Variants in ZNF804A observed in about 807,000 individuals in gnomAD.
ZNF804A encodes zinc finger protein 804A.
In ZNF804A, 2 loss-of-function variants were observed where a neutral mutation model predicts 16.5. The ratio of observed to expected loss-of-function variants is 0.12; its 90% CI spans 0.05 to 0.38. ZNF804A has a LOEUF of 0.38. Among genes scored for constraint, ZNF804A ranks in the 10% least tolerant of loss-of-function variants. The probability of loss-of-function intolerance (pLI) is 0.99; values close to 1 mark genes in which losing one functional copy is unlikely to be tolerated. For synonymous variants in ZNF804A, 534 were observed against 489.6 expected, an observed-to-expected ratio of 1.09 and a Z score of -1.20; for missense variants, 1,473 against 1,390.7, an observed-to-expected ratio of 1.06 and a Z score of -0.94.
chr2:184,611,687 T>C (rs1053274717), intron 1 of ZNF804A, among the ~76,000 whole-genome samples: 1 of 139,218 alleles, frequency 7.2e-6, no homozygotes, highest in Non-Finnish European at 1.6e-5. Flanking sequence ...CATTTCCTCT[T>C]CTTTTCAAAA....
At chr2:184,692,508 G>A (rs1333797459) in intron 1 of ZNF804A, among the ~76,000 whole-genome samples, 2 of 152,136 alleles carry the variant, frequency 1.3e-5, no homozygotes, top group African/African-American at 2.4e-5. Context: ...CCTAGTCAGC[G>A]ATGCTGGAGG....
rs144826858 is a variant in ZNF804A at position 184,938,548 on chromosome 2, T to A, written c.3152T>A (p.Val1051Asp). Residue 1051 changes from valine to aspartate, a missense_variant, in exon 4 of 4, where the codon GTC (valine) becomes GAC (aspartate). Transcript: ENST00000302277. ...HDKFKNVPCEVYQHILQPNML... is the reference protein window; with the variant it reads ...HDKFKNVPCEDYQHILQPNML... The stretch of plus-strand genomic sequence containing the variant: ...AAATTCAAAAATGTACCATGTGAGG[T>A]CTACCAGCACATTCTGCAGCCAAAC... 3.7e-6 allele frequency: 6 copies of A among 1,613,988 alleles called. No homozygotes were observed. The highest frequency in any genetic ancestry group is 4.2e-6 in the Non-Finnish European group (5 of 1,180,000).
At chr2:184,693,923 C>G (rs1263918274) in intron 1 of ZNF804A, among the ~76,000 whole-genome samples, 2 of 146,006 alleles carry the variant, frequency 1.4e-5, no homozygotes, top group Non-Finnish European at 3.0e-5. Context: ...ATGCAACTAA[C>G]TTAGTCTTTT....
chr2:184,731,515 T>A (rs1693519441), intron 1 of ZNF804A, among the ~76,000 whole-genome samples: 1 of 151,716 alleles, frequency 6.6e-6, no homozygotes, highest in South Asian at 2.1e-4. Flanking sequence ...TATGCTCATT[T>A]TTCATTTGCA....
intron 1 of ZNF804A, among the ~76,000 whole-genome samples, chr2:184,806,107 A>AT (rs1332664074): frequency 1.3e-5 from 2 of 151,996 alleles, no homozygotes; most frequent in African/African-American, 4.8e-5. Flanking sequence ...AAAAAAAATT[A>AT]TTTTTTTGTA....
intron 1 of ZNF804A, among the ~76,000 whole-genome samples, chr2:184,798,017 T>TGTGC (rs1694663087): frequency 6.8e-6 from 1 of 146,750 alleles, no homozygotes. Flanking sequence ...TGTGTGTGTG[T>TGTGC]GTGTGTGTGT....
intron 1 of ZNF804A, among the ~76,000 whole-genome samples, chr2:184,845,199 A>G (rs2105801525): frequency 6.6e-6 from 1 of 152,130 alleles, no homozygotes; most frequent in African/African-American, 2.4e-5. Context: ...CATTTGTGTA[A>G]TGTCTGAGCC....
chr2:184,725,347 C>T (rs755626484), intron 1 of ZNF804A, among the ~76,000 whole-genome samples: 3 of 151,540 alleles, frequency 2.0e-5, no homozygotes, highest in African/African-American at 4.8e-5. Flanking sequence ...ATGATCTTCT[C>T]TTCTTAATAA....
At chr2:184,683,130 T>C (rs774464407) in intron 1 of ZNF804A, among the ~76,000 whole-genome samples, 1 of 152,260 alleles carries the variant, frequency 6.6e-6, no homozygotes, top group Non-Finnish European at 1.5e-5. Flanking sequence ...ATCTATTTTA[T>C]CTAATTTTCC....
intron 1 of ZNF804A, among the ~76,000 whole-genome samples, chr2:184,747,978 A>C (rs963180907): frequency 6.6e-6 from 1 of 151,432 alleles, no homozygotes; most frequent in Non-Finnish European, 1.5e-5. Flanking sequence ...TGCAAAGGAC[A>C]TAATTTTTTT....
intron 1 of ZNF804A, among the ~76,000 whole-genome samples, chr2:184,847,088 A>G (rs1314942683): frequency 6.6e-6 from 1 of 152,160 alleles, no homozygotes; most frequent in Non-Finnish European, 1.5e-5. Context: ...ACTTTTCAGA[A>G]AGAATTTTTC....
intron 2 of ZNF804A, among the ~76,000 whole-genome samples, chr2:184,904,016 A>G (rs543393558): frequency 6.6e-6 from 1 of 152,128 alleles, no homozygotes; most frequent in African/African-American, 2.4e-5. Flanking sequence ...AAATTTATTC[A>G]GTAAACTTGC....
At chr2:184,905,575 T>A (rs1003393831) in intron 2 of ZNF804A, among the ~76,000 whole-genome samples, 9 of 152,184 alleles carry the variant, frequency 5.9e-5, no homozygotes, top group African/African-American at 2.2e-4. Context: ...TTTTAGGTGA[T>A]GTGTTATTTT....
chr2:184,641,049 G>C (rs1002143735), intron 1 of ZNF804A, among the ~76,000 whole-genome samples: 3 of 152,070 alleles, frequency 2.0e-5, no homozygotes, highest in Non-Finnish European at 4.4e-5. Context: ...CCGCTTCCTG[G>C]GTTCAAGCAA....
At chr2:184,643,646 A>G (rs1167858920) in intron 1 of ZNF804A, among the ~76,000 whole-genome samples, 2 of 151,840 alleles carry the variant, frequency 1.3e-5, no homozygotes, top group Admixed American at 6.6e-5. Context: ...ATAATGTTAC[A>G]TATTGAGAAA....
At chr2:184,844,448 A>G (rs936087750) in intron 1 of ZNF804A, among the ~76,000 whole-genome samples, 1 of 151,946 alleles carries the variant, frequency 6.6e-6, no homozygotes, top group Non-Finnish European at 1.5e-5. Flanking sequence ...GAGAAAGTCT[A>G]TTTCTGTTTC....
intron 1 of ZNF804A, among the ~76,000 whole-genome samples, chr2:184,662,898 A>G (rs1692197433): frequency 6.6e-6 from 1 of 152,214 alleles, no homozygotes; most frequent in African/African-American, 2.4e-5. Flanking sequence ...TTCATTGTTA[A>G]TCATACAGTA....
chr2:184,711,284 TG>T (rs1308915564), intron 1 of ZNF804A, among the ~76,000 whole-genome samples: 1 of 151,852 alleles, frequency 6.6e-6, no homozygotes, highest in East Asian at 1.9e-4. Context: ...TTCATATATC[TG>T]TTGACCATTT....
chr2:184,875,525 C>T (rs1275834683), intron 2 of ZNF804A, among the ~76,000 whole-genome samples: 1 of 152,022 alleles, frequency 6.6e-6, no homozygotes, highest in Non-Finnish European at 1.5e-5. Flanking sequence ...CAGATGCTGC[C>T]CTCATGTTTC....
Sources: allele counts gnomAD v4.1 joint callset (sites outside exome capture counted in the v4.1 genomes callset), GRCh38; gene constraint gnomAD v4.1.1; transcripts MANE v1.5; gene names NCBI Gene and HGNC (gene_info 2026-07-23, HGNC 2026-07-21).